Variants in SMOC2 observed in about 807,000 individuals in gnomAD.
The protein encoded by SMOC2 is SPARC-related modular calcium-binding protein 2.
Under a neutral mutation model 61.4 loss-of-function variants are expected in SMOC2, and 39 were observed. The ratio of observed to expected loss-of-function variants is 0.64; its 90% CI spans 0.49 to 0.83. The LOEUF is 0.83. SMOC2 is among the 40% of genes least tolerant of loss of function. The pLI is 0.00. For missense variants in SMOC2, 556 were observed against 592.9 expected (o/e 0.94, Z 0.65); for synonymous variants, 247 against 239.9 (o/e 1.03, Z -0.27).
chr6:168,585,484 G>T lies in SMOC2; in HGVS notation c.638-13334G>T, dbSNP rs116610610. On this transcript the variant is annotated intron_variant, in intron 7 of 12. Transcript: ENST00000356284. ...AATGGATATTTTGTTTTTCTCTTTA[G>T]GTTGGGGCTACTACAAATAAAGATA... Among the ~76,000 whole-genome samples the T allele has an allele frequency of 1.3e-3, 194 of 152,276 alleles. 1 individual carries two copies. The highest frequency in any genetic ancestry group is 6.8e-3 in the Middle Eastern group (2 of 294).
chr6:168,579,757 C>G (rs1002665450), intron 7 of SMOC2, among the ~76,000 whole-genome samples: 3 of 152,022 alleles, frequency 2.0e-5, no homozygotes, highest in Admixed American at 1.3e-4. Context: ...CTTTGCAGCC[C>G]TGTGAGTCAG....
intron 7 of SMOC2, among the ~76,000 whole-genome samples, chr6:168,570,079 G>A (rs7748119): frequency 0.034 from 5,169 of 150,926 alleles, 226 homozygotes; most frequent in African/African-American, 0.11. Context: ...CGGATGTCCC[G>A]TCGTCCTGGC....
chr6:168,493,805 A>T (rs1200301337), intron 1 of SMOC2, among the ~76,000 whole-genome samples: 2 of 152,242 alleles, frequency 1.3e-5, no homozygotes, highest in South Asian at 4.1e-4. Context: ...ACAGCCAAGA[A>T]AATAAATTTC....
chr6:168,513,672 G>A (rs568089808), intron 2 of SMOC2, among the ~76,000 whole-genome samples: 6 of 152,290 alleles, frequency 3.9e-5, no homozygotes, highest in South Asian at 4.1e-4. Context: ...GTAAATTGGC[G>A]TTTTCTTCTT....
chr6:168,507,914 C>T (rs960921294), intron 1 of SMOC2, among the ~76,000 whole-genome samples: 3 of 152,256 alleles, frequency 2.0e-5, no homozygotes, highest in Non-Finnish European at 2.9e-5. Context: ...GTGCCGCTCA[C>T]CTGTCTCTTG....
At chr6:168,642,398 A>G (rs1055350919) in intron 9 of SMOC2, among the ~76,000 whole-genome samples, 4 of 152,198 alleles carry the variant, frequency 2.6e-5, no homozygotes, top group African/African-American at 9.6e-5. Flanking sequence ...TGACGTCTCC[A>G]CTTGCTACAG....
Position 168,576,501 on chromosome 6 carries a change from C to T in SMOC2, c.638-22317C>T, listed in dbSNP as rs9456210. ...TAGCAGTCTATAAAAGTGGTTCCGACCCCACGGATCTCCTGTGAGGACCTT... is the reference window on the plus strand; with the variant it reads ...TAGCAGTCTATAAAAGTGGTTCCGATCCCACGGATCTCCTGTGAGGACCTT... On this transcript the variant is annotated intron_variant, in intron 7 of 12. Coordinates refer to ENST00000356284, the MANE Select transcript of SMOC2 (RefSeq NM_001166412.2). Among the ~76,000 whole-genome samples the T allele has an allele frequency of 9.3e-3, 1,419 of 152,182 alleles. 42 individuals carry two copies. The highest frequency in any genetic ancestry group is 0.033 in the African/African-American group (1,348 of 41,460).
intron 7 of SMOC2, among the ~76,000 whole-genome samples, chr6:168,557,345 G>A (rs946581154): frequency 3.3e-5 from 5 of 152,140 alleles, no homozygotes; most frequent in Non-Finnish European, 5.9e-5. Context: ...CCAAAAATAT[G>A]CATAACTAAA....
chr6:168,503,119 C>A (rs1295144696), intron 1 of SMOC2, among the ~76,000 whole-genome samples: 1 of 111,630 alleles, frequency 9.0e-6, no homozygotes, highest in Non-Finnish European at 1.7e-5. Context: ...ACTCTTGTTG[C>A]CAAGGCTGGA....
chr6:168,495,134 T>C (rs1321960149), intron 1 of SMOC2, among the ~76,000 whole-genome samples: 2 of 152,246 alleles, frequency 1.3e-5, no homozygotes, highest in African/African-American at 4.8e-5. Flanking sequence ...CTCAGAGTGG[T>C]TCCAGGAAAG....
intron 7 of SMOC2, among the ~76,000 whole-genome samples, chr6:168,556,076 T>C (rs1013165259): frequency 2.0e-5 from 3 of 152,132 alleles, no homozygotes; most frequent in Non-Finnish European, 4.4e-5. Flanking sequence ...AGGCGTCGTC[T>C]TCACTGTTGA....
chr6:168,503,402 A>G (rs1203306957), intron 1 of SMOC2, among the ~76,000 whole-genome samples: 3 of 152,114 alleles, frequency 2.0e-5, no homozygotes, highest in African/African-American at 7.2e-5. Context: ...CTAAATGAGC[A>G]GAGAGCACTT....
At chr6:168,492,848 C>T (rs1349798312) in intron 1 of SMOC2, among the ~76,000 whole-genome samples, 1 of 152,166 alleles carries the variant, frequency 6.6e-6, no homozygotes, top group Non-Finnish European at 1.5e-5. Flanking sequence ...CTATAGAGTA[C>T]AGAAATGTGC....
chr6:168,538,069 C>A (rs1234077233), intron 4 of SMOC2, among the ~76,000 whole-genome samples: 5 of 142,738 alleles, frequency 3.5e-5, no homozygotes, highest in Non-Finnish European at 6.1e-5. Context: ...GGTGACTGAC[C>A]CCTGCTGGGA....
intron 9 of SMOC2, among the ~76,000 whole-genome samples, chr6:168,636,213 T>C (rs1216157124): frequency 6.6e-6 from 1 of 152,172 alleles, no homozygotes; most frequent in Non-Finnish European, 1.5e-5. Context: ...CTGGGAGTCA[T>C]TTATCAGCTG....
chr6:168,504,354 G>T (rs904980471), intron 1 of SMOC2, among the ~76,000 whole-genome samples: 1 of 149,996 alleles, frequency 6.7e-6, no homozygotes, highest in Non-Finnish European at 1.5e-5. Context: ...TGTAAAATCA[G>T]TGGGAGCCCT....
At chr6:168,571,075 T>G (rs569282290) in intron 7 of SMOC2, among the ~76,000 whole-genome samples, 56 of 152,272 alleles carry the variant, frequency 3.7e-4, no homozygotes, top group African/African-American at 1.2e-3. Context: ...GGCCTGACCT[T>G]CGTAACAATG....
chr6:168,567,083 C>T (rs11968190), intron 7 of SMOC2, among the ~76,000 whole-genome samples: 5,054 of 152,180 alleles, frequency 0.033, 297 homozygotes, highest in African/African-American at 0.11. Context: ...AACTAAAAGG[C>T]ATTTTTTCTC....
In SMOC2 at chr6:168,666,531, T is replaced by G; in HGVS notation, c.*93T>G. 1 of 1,313,624 alleles carries G rather than the reference T, an allele frequency of 7.6e-7. No individual in the cohort carries two copies. The highest frequency in any genetic ancestry group is 1.1e-6 in the Non-Finnish European group (1 of 913,568). 81.4% of individuals were successfully genotyped at this position (1,313,624 alleles called of 1,614,324 possible). On this transcript the variant is annotated 3_prime_UTR_variant, in exon 13 of 13. Coordinates refer to ENST00000356284, the MANE Select transcript of SMOC2 (RefSeq NM_001166412.2). ...AAACAAAAACAGAAACACATAGTAT[T>G]TGCACTTTGTACTTTAAATGTAAAT...
Sources: allele counts gnomAD v4.1 joint callset (sites outside exome capture counted in the v4.1 genomes callset), GRCh38; gene constraint gnomAD v4.1.1; transcripts MANE v1.5; gene names NCBI Gene and HGNC (gene_info 2026-07-23, HGNC 2026-07-21).